BCAR3: variants seen among roughly 807,000 people sequenced by gnomAD.
BCAR3 encodes breast cancer anti-estrogen resistance protein 3.
In BCAR3, 37 loss-of-function variants were observed where a neutral mutation model predicts 80.1. The observed-to-expected ratio is 0.46, with a 90% CI of 0.36 to 0.61. BCAR3 has a LOEUF of 0.61. BCAR3 is among the 20% of genes least tolerant of loss of function. BCAR3 has a pLI of 0.00. For missense variants in BCAR3, 978 were observed against 1,068.2 expected (o/e 0.92, Z 1.18); for synonymous variants, 389 against 418.9 (o/e 0.93, Z 0.87).
intron 3 of BCAR3, among the ~76,000 whole-genome samples, chr1:93,617,300 G>A (rs926861777): frequency 1.3e-5 from 2 of 152,180 alleles, no homozygotes; most frequent in Non-Finnish European, 2.9e-5. Flanking sequence ...GGAGGGAGAT[G>A]GCAGGAGAAA....
At chr1:93,789,611 A>C (rs1653071916) in intron 2 of BCAR3, among the ~76,000 whole-genome samples, 1 of 152,206 alleles carries the variant, frequency 6.6e-6, no homozygotes, top group African/African-American at 2.4e-5. Flanking sequence ...ATTTGAAGAG[A>C]ACAGGTCTCA....
rs771489879 is a variant in BCAR3 at position 93,592,361 on chromosome 1, G to C, written c.390C>G (p.Thr130=). The change falls in exon 4 of 12, where the codon ACC becomes ACG. Residue 130 remains threonine, a synonymous_variant. Coordinates refer to ENST00000260502, the MANE Select transcript of BCAR3 (RefSeq NM_003567.4). The surrounding 1 kb of genome is among the most constrained non-coding windows in gnomAD (Gnocchi z 4.8). ...FSKERHIMDR[T]PEKLKKELEE... ...CCAGCTCCTTCTTCAGTTTCTCGGG[G>C]GTCCTGTCCATGATGTGCCTCTCCT... is the stretch of plus-strand genomic sequence containing the variant. 2 of 1,605,536 alleles carry C rather than the reference G, an allele frequency of 1.2e-6. No individual in the cohort carries two copies. Among genetic ancestry groups the C allele is most frequent in the East Asian group, 4.5e-5 (2 of 44,830 alleles).
At chr1:93,837,251 A>C (rs1248253253) in intron 2 of BCAR3, among the ~76,000 whole-genome samples, 1 of 152,150 alleles carries the variant, frequency 6.6e-6, no homozygotes, top group African/African-American at 2.4e-5. Context: ...AAAATAAATA[A>C]ATTACCCTGT....
chr1:93,800,264 G>C (rs937491165), intron 2 of BCAR3, among the ~76,000 whole-genome samples: 5 of 152,084 alleles, frequency 3.3e-5, no homozygotes, highest in Non-Finnish European at 5.9e-5. Flanking sequence ...TAAATAATTA[G>C]GGATTTGGCT....
At chr1:93,748,747 T>C (rs561974063) in intron 2 of BCAR3, among the ~76,000 whole-genome samples, 13 of 152,344 alleles carry the variant, frequency 8.5e-5, no homozygotes, top group African/African-American at 2.9e-4. Context: ...TATTTTTCCA[T>C]AGTGTCGCAT....
intron 3 of BCAR3, among the ~76,000 whole-genome samples, chr1:93,638,671 T>C (rs2101905794): frequency 6.6e-6 from 1 of 152,300 alleles, no homozygotes; most frequent in African/African-American, 2.4e-5. Context: ...AGTCACTAGC[T>C]ACATGGTAAA....
intron 2 of BCAR3, chr1:93,646,405 C>G (rs1266980437): frequency 2.0e-5 from 3 of 151,886 alleles, no homozygotes; most frequent in Non-Finnish European, 2.9e-5. Flanking sequence ...GAGTTCAAGA[C>G]CAGCCTGACC....
chr1:93,728,607 G>A (rs1212580687), intron 2 of BCAR3, among the ~76,000 whole-genome samples: 1 of 152,182 alleles, frequency 6.6e-6, no homozygotes, highest in Non-Finnish European at 1.5e-5. Context: ...GATGGAGTCA[G>A]GCTACTTAGC....
intron 2 of BCAR3, among the ~76,000 whole-genome samples, chr1:93,842,059 T>C (rs961895242): frequency 2.6e-5 from 4 of 152,128 alleles, no homozygotes; most frequent in Non-Finnish European, 5.9e-5. Flanking sequence ...ATGTAATCTT[T>C]CTCTTCCCTG....
intron 11 of BCAR3, among the ~76,000 whole-genome samples, chr1:93,565,351 C>T (rs1225744678): frequency 6.6e-6 from 1 of 150,986 alleles, no homozygotes; most frequent in Non-Finnish European, 1.5e-5. Flanking sequence ...CAGGCATGAG[C>T]CACTGCGCCC....
At chr1:93,787,278 T>C (rs1200146869) in intron 2 of BCAR3, among the ~76,000 whole-genome samples, 1 of 152,186 alleles carries the variant, frequency 6.6e-6, no homozygotes, top group Non-Finnish European at 1.5e-5. Flanking sequence ...CTGAGACAGA[T>C]GGTGGGTGAA....
At chr1:93,568,706 T>C (rs886242573) in intron 9 of BCAR3, among the ~76,000 whole-genome samples, 3 of 152,172 alleles carry the variant, frequency 2.0e-5, no homozygotes, top group Admixed American at 6.5e-5. Context: ...ACCACACCCA[T>C]TCCTTGCCTC....
chr1:93,763,316 G>C (rs182654895), intron 2 of BCAR3, among the ~76,000 whole-genome samples: 1 of 152,154 alleles, frequency 6.6e-6, no homozygotes, highest in East Asian at 1.9e-4. Flanking sequence ...CTCCTGCCTC[G>C]GCCTCCCAAA....
At chr1:93,740,035 C>CAA (rs550746243) in intron 2 of BCAR3, among the ~76,000 whole-genome samples, 111 of 94,124 alleles carry the variant, frequency 1.2e-3, no homozygotes, top group African/African-American at 3.5e-3. Flanking sequence ...AACTCCGTCT[C>CAA]AAAAAAAAAA....
intron 3 of BCAR3, among the ~76,000 whole-genome samples, chr1:93,605,238 G>A (rs1234787762): frequency 6.6e-6 from 1 of 152,212 alleles, no homozygotes; most frequent in Non-Finnish European, 1.5e-5. Context: ...TCAGAGGAAG[G>A]CCGAAGGTCA....
chr1:93,602,482 G>A (rs1674654579), intron 3 of BCAR3: 1 of 152,164 alleles, frequency 6.6e-6, no homozygotes, highest in African/African-American at 2.4e-5. Context: ...TCCCCAAAAA[G>A]CACACTTTCA....
intron 2 of BCAR3, among the ~76,000 whole-genome samples, chr1:93,756,060 C>A (rs753670261): frequency 1.3e-5 from 2 of 152,118 alleles, no homozygotes; most frequent in African/African-American, 2.4e-5. Context: ...CTGTCTAGAG[C>A]CTCTGACAAT....
At chr1:93,635,949 A>T (rs764813484) in intron 3 of BCAR3, among the ~76,000 whole-genome samples, 3 of 152,232 alleles carry the variant, frequency 2.0e-5, no homozygotes, top group Non-Finnish European at 2.9e-5. Flanking sequence ...TTGAGCACAA[A>T]AAGGGAGCTG....
intron 2 of BCAR3, among the ~76,000 whole-genome samples, chr1:93,747,251 G>A (rs990146996): frequency 6.6e-6 from 1 of 152,184 alleles, no homozygotes; most frequent in Non-Finnish European, 1.5e-5. Context: ...CTTTGAATGG[G>A]AAACCAGGCT....
Sources: allele counts gnomAD v4.1 joint callset (sites outside exome capture counted in the v4.1 genomes callset), GRCh38; gene constraint gnomAD v4.1.1; non-coding constraint Gnocchi (gnomAD v3.1); transcripts MANE v1.5; gene names NCBI Gene and HGNC (gene_info 2026-07-23, HGNC 2026-07-21).